Variants in PTPRD observed in about 807,000 individuals in gnomAD.
The protein encoded by PTPRD is receptor-type tyrosine-protein phosphatase delta.
Under a neutral mutation model 214.5 loss-of-function variants are expected in PTPRD, and 34 were observed. The observed-to-expected ratio is 0.16, with a 90% CI of 0.12 to 0.21. The LOEUF is 0.21. Among genes scored for constraint, PTPRD ranks in the 10% least tolerant of loss-of-function variants. PTPRD has a pLI of 1.00. For synonymous variants in PTPRD, 1,128 were observed against 845.7 expected (o/e 1.33, Z -5.79); for missense variants, 2,545 against 2,398.7 (o/e 1.06, Z -1.27).
chr9:10,578,098 C>T lies in PTPRD; in HGVS notation c.-600+34300G>A, dbSNP rs149008341. 1.8e-3 allele frequency among the ~76,000 whole-genome samples: 275 copies of T among 151,860 alleles called. 3 individuals are homozygous for T. Among genetic ancestry groups the T allele is most frequent in the African/African-American group, 6.2e-3 (255 of 41,422 alleles). ...CTAATTTTTGTATTTTTAGGAGAGA[C>T]GGGGTTTCACCTTGTTGGTTAGGTT... On this transcript the variant is annotated intron_variant, in intron 2 of 45. Coordinates refer to ENST00000381196, the MANE Select transcript of PTPRD (RefSeq NM_002839.4).
intron 12 of PTPRD, among the ~76,000 whole-genome samples, chr9:8,718,415 GTA>G (rs2154415335): frequency 6.6e-6 from 1 of 152,246 alleles, no homozygotes; most frequent in Non-Finnish European, 1.5e-5. Flanking sequence ...TGAAAAAGAA[GTA>G]TGTGTTGTTC....
intron 3 of PTPRD, among the ~76,000 whole-genome samples, chr9:10,102,275 G>T (rs2098558028): frequency 6.6e-6 from 1 of 151,388 alleles, no homozygotes; most frequent in African/African-American, 2.4e-5. Context: ...ATTTGCCATA[G>T]ATCCTTCAAT....
intron 6 of PTPRD, among the ~76,000 whole-genome samples, chr9:9,758,271 G>A (rs555100504): frequency 2.0e-4 from 30 of 149,470 alleles, no homozygotes; most frequent in South Asian, 1.7e-3. Context: ...ACTTCCATTC[G>A]CTTGGCTTTT....
At position 9,566,015 on chromosome 9, in the gene PTPRD, T is replaced by C. The variant is rs1436319616; in HGVS notation, c.-237+8717A>G. Among the ~76,000 whole-genome samples, 5 of 152,014 alleles carry C rather than the reference T, an allele frequency of 3.3e-5. No individual in the cohort carries two copies. In the East Asian group the frequency reaches 5.8e-4, roughly 18 times the overall value. On this transcript the variant is annotated intron_variant, in intron 8 of 45. Transcript: ENST00000381196. ...GCTATGAAGGACACAAGATGAATCA[T>C]TTATTGGCTGCCTCCTCATTTGTGA...
At chr9:8,867,161 C>G (rs1284782141) in intron 11 of PTPRD, among the ~76,000 whole-genome samples, 1 of 152,144 alleles carries the variant, frequency 6.6e-6, no homozygotes, top group Non-Finnish European at 1.5e-5. Context: ...CTTAATATCT[C>G]TCCTTCCCTC....
At position 8,695,683 on chromosome 9, in the gene PTPRD, T is replaced by C. The variant is rs957700797; in HGVS notation, c.64+38097A>G. Among the ~76,000 whole-genome samples the C allele has an allele frequency of 5.9e-5, 9 of 152,186 alleles. 1 individual carries two copies. The highest frequency in any genetic ancestry group is 1.4e-4 in the African/African-American group (6 of 41,438). ...TCAAAGCTACTATAGCTGAACTTCATAGAATCACAAAATTCTAAGGCAGAA... is the reference window on the plus strand; with the variant it reads ...TCAAAGCTACTATAGCTGAACTTCACAGAATCACAAAATTCTAAGGCAGAA... On this transcript the variant is annotated intron_variant, in intron 12 of 45. Coordinates refer to ENST00000381196, the MANE Select transcript of PTPRD (RefSeq NM_002839.4).
At chr9:9,257,916 G>A (rs946954155) in intron 9 of PTPRD, among the ~76,000 whole-genome samples, 1 of 151,870 alleles carries the variant, frequency 6.6e-6, no homozygotes, top group South Asian at 2.1e-4. Context: ...TCCTGTATTG[G>A]CAAAAATCAC....
chr9:9,676,795 C>T (rs1057501653), intron 7 of PTPRD, among the ~76,000 whole-genome samples: 8 of 152,070 alleles, frequency 5.3e-5, no homozygotes, highest in Non-Finnish European at 8.8e-5. Context: ...CTGTTGTTTC[C>T]TGACTTTTTA....
intron 5 of PTPRD, among the ~76,000 whole-genome samples, chr9:9,892,317 G>A (rs138103349): frequency 2.5e-3 from 374 of 152,214 alleles, no homozygotes; most frequent in African/African-American, 8.4e-3. Flanking sequence ...TGAAGGAACA[G>A]TCCCCGCTGG....
chr9:10,515,536 C>T (rs898271888), intron 2 of PTPRD, among the ~76,000 whole-genome samples: 8 of 150,836 alleles, frequency 5.3e-5, no homozygotes, highest in African/African-American at 1.7e-4. Flanking sequence ...TTATTTTAGG[C>T]CCAAGTAATA....
chr9:9,248,284 G>T (rs543640428), intron 9 of PTPRD, among the ~76,000 whole-genome samples: 3 of 151,992 alleles, frequency 2.0e-5, no homozygotes, highest in Admixed American at 2.0e-4. Context: ...AGTAGAGATG[G>T]GGTTTCACCA....
Position 9,940,615 on chromosome 9 carries a change from T to C in PTPRD, c.-471-2005A>G, listed in dbSNP as rs543982223. On this transcript the variant is annotated intron_variant, in intron 4 of 45. Transcript: ENST00000381196. ...CTGAGTTTTGTTAAATTAAATCGCA[T>C]AGCATACCTGGAGGCTATAATATTA... Among the ~76,000 whole-genome samples, 74 of 152,286 alleles carry C rather than the reference T, an allele frequency of 4.9e-4. No homozygotes were observed. The Middle Eastern group carries it at 0.02, about 42-fold the overall frequency.
At chr9:10,535,750 A>C (rs2057625594) in intron 2 of PTPRD, among the ~76,000 whole-genome samples, 1 of 152,182 alleles carries the variant, frequency 6.6e-6, no homozygotes, top group Non-Finnish European at 1.5e-5. Flanking sequence ...TCTCAGTCTC[A>C]TGAAACTGTG....
At chr9:9,739,799 AT>A (rs936578973) in intron 6 of PTPRD, among the ~76,000 whole-genome samples, 1 of 151,168 alleles carries the variant, frequency 6.6e-6, no homozygotes, top group Non-Finnish European at 1.5e-5. Context: ...TACTTATATT[AT>A]TTTTCTGCCT....
intron 2 of PTPRD, among the ~76,000 whole-genome samples, chr9:10,580,868 T>C (rs745546739): frequency 2.0e-5 from 3 of 152,118 alleles, no homozygotes; most frequent in Non-Finnish European, 2.9e-5. Context: ...TAGACACACA[T>C]AAATCTTAAT....
At chr9:9,497,840 G>C (rs1193795705) in intron 8 of PTPRD, among the ~76,000 whole-genome samples, 1 of 152,100 alleles carries the variant, frequency 6.6e-6, no homozygotes, top group Non-Finnish European at 1.5e-5. Flanking sequence ...CTCTGGAATG[G>C]TCACTGTATT....
At chr9:8,880,321 T>A (rs2098434197) in intron 11 of PTPRD, among the ~76,000 whole-genome samples, 1 of 152,082 alleles carries the variant, frequency 6.6e-6, no homozygotes, top group Non-Finnish European at 1.5e-5. Context: ...CTCAAGTTGG[T>A]TTTTCTGAGG....
intron 2 of PTPRD, among the ~76,000 whole-genome samples, chr9:10,450,028 G>C (rs1048363302): frequency 6.6e-6 from 1 of 151,610 alleles, no homozygotes; most frequent in Admixed American, 6.6e-5. Flanking sequence ...TTGTTAAACA[G>C]ATGCTTGAAG....
intron 9 of PTPRD, among the ~76,000 whole-genome samples, chr9:9,300,415 C>T (rs1194116805): frequency 2.6e-5 from 4 of 151,704 alleles, no homozygotes; most frequent in African/African-American, 9.7e-5. Flanking sequence ...TTAGACAGCG[C>T]CTCTTCATCA....
Sources: allele counts gnomAD v4.1 joint callset (sites outside exome capture counted in the v4.1 genomes callset), GRCh38; gene constraint gnomAD v4.1.1; transcripts MANE v1.5; gene names NCBI Gene and HGNC (gene_info 2026-07-23, HGNC 2026-07-21).